FOXN4: variants seen among roughly 807,000 people sequenced by gnomAD.
FOXN4 encodes forkhead box protein N4.
Under a neutral mutation model 45.0 loss-of-function variants are expected in FOXN4, and 12 were observed. That is an observed-to-expected ratio of 0.27 (90% CI 0.17 to 0.43). The LOEUF (loss-of-function observed/expected upper bound fraction) is 0.43, where lower values mean the gene tolerates loss of function less well. Ranked by LOEUF, FOXN4 falls within the 20% of genes least tolerant of loss-of-function variation. The probability of loss-of-function intolerance (pLI) is 1.00; values close to 1 mark genes in which losing one functional copy is unlikely to be tolerated. For synonymous variants in FOXN4, 297 were observed against 295.0 expected (o/e 1.01, Z -0.07); for missense variants, 560 against 694.9 (o/e 0.81, Z 2.18).
intron 8 of FOXN4, 27 bp downstream of exon 8, chr12:109,285,277 G>C: frequency 6.4e-7 from 1 of 1,558,732 alleles, no homozygotes; most frequent in Non-Finnish European, 8.7e-7. Context: ...GTGTGTGTGC[G>C]CGCACTGCGG....
intron 2 of FOXN4, among the ~76,000 whole-genome samples, chr12:109,304,772 G>A (rs1033979498): frequency 6.6e-6 from 1 of 152,200 alleles, no homozygotes; most frequent in Non-Finnish European, 1.5e-5. Flanking sequence ...GTCCTTCTCT[G>A]GGATGTGGGA....
intron 2 of FOXN4, among the ~76,000 whole-genome samples, chr12:109,292,145 G>A (rs2047775425): frequency 6.6e-6 from 1 of 152,166 alleles, no homozygotes; most frequent in South Asian, 2.1e-4. Context: ...CCACTGGCCA[G>A]ACAACCTCCC....
Position 109,290,101 on chromosome 12 carries a change from A to AT in FOXN4, c.232+39dup, listed in dbSNP as rs1247209244. 4 of 1,508,384 alleles carry AT rather than the reference A, an allele frequency of 2.7e-6. No homozygotes were observed. Among genetic ancestry groups the AT allele is most frequent in the East Asian group, 2.5e-5 (1 of 40,260 alleles). The allele number at this position is 1,508,384 out of a possible 1,614,324, so 93.4% of individuals were successfully genotyped here. ...CAGGGCTGGGAATCACCCCTCTCCT[A>AT]TATCACCCTCCTCCCTGCCTACCTT... On this transcript the variant is annotated intron_variant, in intron 3 of 9. Transcript: ENST00000299162. The surrounding 1 kb of genome is among the most constrained non-coding windows in gnomAD (Gnocchi z 5.1).
rs1306818224 is a variant in FOXN4 at position 109,308,222 on chromosome 12, G to T, written c.86+14C>A. 6.5e-7 allele frequency: 1 copy of T among 1,538,396 alleles called. No individual in the cohort carries two copies. The highest frequency in any genetic ancestry group is 8.8e-7 in the Non-Finnish European group (1 of 1,138,668). ...ATTAAAAAATATATAGTTTGTTATT[G>T]TTGGAGCCCTCACCTGTATTCCTGT... is the stretch of plus-strand genomic sequence containing the variant. On this transcript the variant is annotated intron_variant, in intron 2 of 9. Coordinates refer to ENST00000299162, the MANE Select transcript of FOXN4 (RefSeq NM_213596.3).
At chr12:109,286,926 G>T in intron 6 of FOXN4, 182 bp from the exon 7 acceptor site, 4 of 1,407,446 alleles carry the variant, frequency 2.8e-6, no homozygotes, top group East Asian at 2.6e-5. Flanking sequence ...CCCACCCTTT[G>T]CCCTTTCTCC....
intron 2 of FOXN4, among the ~76,000 whole-genome samples, chr12:109,296,376 C>T (rs1233300618): frequency 6.6e-6 from 1 of 152,354 alleles, no homozygotes; most frequent in African/African-American, 2.4e-5. Flanking sequence ...TCCTTCCCCC[C>T]TTCTCTGTGT....
intron 8 of FOXN4, among the ~76,000 whole-genome samples, chr12:109,282,718 A>G (rs1443192891): frequency 6.6e-6 from 1 of 152,226 alleles, no homozygotes; most frequent in East Asian, 1.9e-4. Context: ...ATAAACAAGT[A>G]AAGACAAATT....
intron 1 of FOXN4, among the ~76,000 whole-genome samples, chr12:109,308,853 G>A (rs1158002799): frequency 2.0e-5 from 3 of 151,926 alleles, no homozygotes; most frequent in African/African-American, 7.3e-5. Flanking sequence ...AACCACCCAC[G>A]TCCCCGCAAC....
chr12:109,282,681 G>A (rs1416562855), intron 8 of FOXN4, among the ~76,000 whole-genome samples: 1 of 152,052 alleles, frequency 6.6e-6, no homozygotes, highest in Non-Finnish European at 1.5e-5. Context: ...TGTTGCTGTG[G>A]GTTAAAAATC....
At chr12:109,296,702 G>A (rs965323286) in intron 2 of FOXN4, among the ~76,000 whole-genome samples, 1 of 152,150 alleles carries the variant, frequency 6.6e-6, no homozygotes, top group Non-Finnish European at 1.5e-5. Flanking sequence ...GCCCCCAGGG[G>A]AGGAGCCAAA....
At chr12:109,298,583 G>A (rs892771319) in intron 2 of FOXN4, among the ~76,000 whole-genome samples, 8 of 152,032 alleles carry the variant, frequency 5.3e-5, no homozygotes, top group Middle Eastern at 3.2e-3. Context: ...GACTGGTCTC[G>A]AATTCCTGAC....
chr12:109,297,899 C>T (rs767606521), intron 2 of FOXN4, among the ~76,000 whole-genome samples: 3 of 152,030 alleles, frequency 2.0e-5, no homozygotes, highest in African/African-American at 7.2e-5. Flanking sequence ...CCATCAGCCA[C>T]GTTTGAAGTG....
intron 2 of FOXN4, among the ~76,000 whole-genome samples, chr12:109,305,957 C>T (rs1226233545): frequency 2.6e-5 from 4 of 152,092 alleles, no homozygotes; most frequent in African/African-American, 9.7e-5. Context: ...CTCTGCTTGC[C>T]CCGCCCTGTT....
rs753469585 is a variant in FOXN4 at position 109,279,641 on chromosome 12, C to G, written c.*30G>C. The G allele has an allele frequency of 1.3e-6, 2 of 1,561,834 alleles. No homozygotes were observed. Among genetic ancestry groups the G allele is most frequent in the African/African-American group, 1.4e-5 (1 of 73,674 alleles). On this transcript the variant is annotated 3_prime_UTR_variant, in exon 10 of 10. Coordinates refer to ENST00000299162, the MANE Select transcript of FOXN4 (RefSeq NM_213596.3). Reference sequence around the variant, plus strand: ...TCAGTTCTCTGCCCAAGCCGGGTGCCGGGGTTCCAGGGCAGGTGAGGCTGA... The same window carrying G: ...TCAGTTCTCTGCCCAAGCCGGGTGCGGGGGTTCCAGGGCAGGTGAGGCTGA...
At chr12:109,286,769 C>T in intron 6 of FOXN4, 25 bp from the exon 7 acceptor site, 1 of 1,570,784 alleles carries the variant, frequency 6.4e-7, no homozygotes. Context: ...TGGGGCAGGG[C>T]AGGGCAGGGC....
In FOXN4 at chr12:109,288,080, G is replaced by A. The variant is rs2047732643; in HGVS notation, c.333C>T (p.Gly111=). ...CGCTGTCTCTGTGGCCAGTTATGGG[G>A]CCCAGACCTGGCATGCCTCGGGGGG... The part of the protein sequence containing the change: ...GMAPRGMPGL[G]PITGHRDSMS... The change falls in exon 4 of 10, where the codon GGC becomes GGT. Residue 111 remains glycine, a synonymous_variant. Transcript: ENST00000299162. This position sits in a 1 kb window ranked among gnomAD's most constrained non-coding sequence, Gnocchi z 4.3. The A allele has an allele frequency of 1.9e-6, 3 of 1,549,376 alleles. No homozygotes were observed. The highest frequency in any genetic ancestry group is 1.7e-6 in the Non-Finnish European group (2 of 1,146,270).
rs1214297617 is a variant in FOXN4, at chr12:109,281,595, G to A, written c.1106C>T (p.Ala369Val). 1.2e-6 allele frequency: 2 copies of A among 1,607,306 alleles called. No homozygotes were observed. The highest frequency in any genetic ancestry group is 1.7e-6 in the Non-Finnish European group (2 of 1,176,966). The change falls in exon 9 of 10, where the codon GCA (alanine) becomes GTA (valine). Residue 369 changes from alanine (A) to valine (V), a missense_variant. Around this residue, in one of 5 missense-constraint regions of FOXN4, gnomAD observed 315 missense variants for 350.5 expected, o/e 0.90. Coordinates refer to ENST00000299162, the MANE Select transcript of FOXN4 (RefSeq NM_213596.3). ...VPLHHQVQPQ[A>V]HLAPDSPAPA... The stretch of plus-strand genomic sequence containing the variant: ...TGCTGGAGAGTCTGGAGCAAGATGT[G>A]CCTGGGGCTGGACCTGGTGGTGCAG...
At chr12:109,299,883 C>T (rs949864664) in intron 2 of FOXN4, among the ~76,000 whole-genome samples, 4 of 152,056 alleles carry the variant, frequency 2.6e-5, no homozygotes, top group African/African-American at 4.8e-5. Flanking sequence ...AGCCCAGCCC[C>T]GGGTCCCCCT....
rs1428629584 is a variant in FOXN4, at chr12:109,281,557, G to A, written c.1144C>T (p.Pro382Ser). ...APDSPAPAQTPPLHALPDLSP... is the reference protein window; with the variant it reads ...APDSPAPAQTSPLHALPDLSP... ...AGGTCCGGCAGGGCGTGCAGTGGCG[G>A]GGTCTGGGCTGGTGCTGGAGAGTCT... Residue 382 changes from proline (P) to serine (S), a missense_variant, in exon 9 of 10, where the codon CCG becomes TCG. This residue lies in a region of FOXN4 where 315 missense variants were observed against 350.5 expected (regional missense o/e 0.90). Transcript: ENST00000299162. 6.2e-7 allele frequency: 1 copy of A among 1,610,564 alleles called. No individual in the cohort carries two copies.
Sources: allele counts gnomAD v4.1 joint callset (sites outside exome capture counted in the v4.1 genomes callset), GRCh38; gene constraint gnomAD v4.1.1; regional missense constraint gnomAD v4.1.1; non-coding constraint Gnocchi (gnomAD v3.1); transcripts MANE v1.5; gene names NCBI Gene and HGNC (gene_info 2026-07-23, HGNC 2026-07-21).